RAB10: variants seen among roughly 807,000 people sequenced by gnomAD.
RAB10 encodes RAB10, member RAS oncogene family.
Under a neutral mutation model 25.7 loss-of-function variants are expected in RAB10, and 5 were observed. The ratio of observed to expected loss-of-function variants is 0.19; its 90% CI spans 0.10 to 0.41. RAB10 has a LOEUF of 0.41. Among genes scored for constraint, RAB10 ranks in the 10% least tolerant of loss-of-function variants. RAB10 has a pLI of 1.00. For synonymous variants in RAB10, 89 were observed against 86.4 expected, an observed-to-expected ratio of 1.03 and a Z score of -0.16; for missense variants, 103 against 245.8, an observed-to-expected ratio of 0.42 and a Z score of 3.89.
intron 1 of RAB10, among the ~76,000 whole-genome samples, chr2:26,062,665 G>A (rs527387071): frequency 6.1e-5 from 9 of 147,180 alleles, no homozygotes; most frequent in Non-Finnish European, 1.0e-4. Flanking sequence ...GCAATAGAGC[G>A]AGACTCTGTC....
At position 26,108,929 on chromosome 2, in the gene RAB10, T is replaced by A. The variant is rs1463929613; in HGVS notation, c.189-839T>A. Among the ~76,000 whole-genome samples, 8 of 144,612 alleles carry A rather than the reference T, an allele frequency of 5.5e-5. No individual in the cohort carries two copies. The East Asian group carries it at 1.1e-3, about 19-fold the overall frequency. The allele number at this position is 144,612 out of a possible 152,430, so 94.9% of individuals were successfully genotyped here. On this transcript the variant is annotated intron_variant, in intron 2 of 5. Transcript: ENST00000264710. ...TATTTATTTATTTATTTATTTATTT[T>A]GAGACGGAGTCTCGCTCTGTCACCC...
intron 1 of RAB10, among the ~76,000 whole-genome samples, chr2:26,083,625 G>A (rs1433379090): frequency 2.0e-5 from 3 of 151,956 alleles, no homozygotes; most frequent in Admixed American, 6.6e-5. Context: ...CACCACACCC[G>A]GTTAATTTTT....
chr2:26,126,185 C>T (rs181807618), intron 3 of RAB10, among the ~76,000 whole-genome samples: 3 of 152,304 alleles, frequency 2.0e-5, no homozygotes, highest in Non-Finnish European at 4.4e-5. Flanking sequence ...GGATTTATTT[C>T]TGGGCTCTCT....
chr2:26,083,160 G>A (rs1255078085), intron 1 of RAB10, among the ~76,000 whole-genome samples: 1 of 152,108 alleles, frequency 6.6e-6, no homozygotes, highest in African/African-American at 2.4e-5. Context: ...AAGAACAACA[G>A]TATATTAGAG....
At position 26,115,339 on chromosome 2, in the gene RAB10, C is replaced by G. The variant is rs185865473; in HGVS notation, c.327+5433C>G. 8.8e-3 allele frequency among the ~76,000 whole-genome samples: 1,342 copies of G among 151,900 alleles called. 11 individuals are homozygous for G. The highest frequency in any genetic ancestry group is 0.011 in the Non-Finnish European group (715 of 67,956). On this transcript the variant is annotated intron_variant, in intron 3 of 5. Transcript: ENST00000264710. The stretch of plus-strand genomic sequence containing the variant: ...GCCAAAAAAAAAAACCAGAAACAAC[C>G]CAAACATCCATCAACTGATGAATGG...
At position 26,126,344 on chromosome 2, in the gene RAB10, G is replaced by A. The variant is rs187198071; in HGVS notation, c.328-800G>A. Among the ~76,000 whole-genome samples the A allele has an allele frequency of 3.5e-3, 536 of 152,252 alleles. 2 individuals are homozygous for A. The highest frequency in any genetic ancestry group is 5.7e-3 in the Non-Finnish European group (390 of 68,018). ...TGTAATCCTAGCTCTTTGGGAGGCC[G>A]ATGGGGGTGGATCACTTGAGGCCAG... On this transcript the variant is annotated intron_variant, in intron 3 of 5. Coordinates refer to ENST00000264710, the MANE Select transcript of RAB10 (RefSeq NM_016131.5).
At chr2:26,133,698 G>A (rs1254728978) in intron 5 of RAB10, among the ~76,000 whole-genome samples, 1 of 151,476 alleles carries the variant, frequency 6.6e-6, no homozygotes, top group Non-Finnish European at 1.5e-5. Context: ...TTTTGAGATG[G>A]AGTCTCACTC....
intron 5 of RAB10, among the ~76,000 whole-genome samples, chr2:26,132,600 A>AT (rs1365689030): frequency 2.0e-5 from 3 of 152,098 alleles, no homozygotes; most frequent in Non-Finnish European, 2.9e-5. Context: ...TTTCTGTAGT[A>AT]TTTTTGTTTG....
chr2:26,127,605 T>C (rs1213133563), intron 4 of RAB10, among the ~76,000 whole-genome samples: 1 of 152,224 alleles, frequency 6.6e-6, no homozygotes, highest in Admixed American at 6.5e-5. Flanking sequence ...CAGGTTGAGC[T>C]TCTCATAAGT....
At chr2:26,044,656 C>A (rs988015520) in intron 1 of RAB10, among the ~76,000 whole-genome samples, 2 of 152,006 alleles carry the variant, frequency 1.3e-5, no homozygotes, top group Non-Finnish European at 2.9e-5. Context: ...GATGATTCTC[C>A]TGCCTCAACC....
chr2:26,059,965 C>A (rs1428303988), intron 1 of RAB10, among the ~76,000 whole-genome samples: 1 of 152,058 alleles, frequency 6.6e-6, no homozygotes, highest in Non-Finnish European at 1.5e-5. Flanking sequence ...ATTGTCATAA[C>A]TAGGTTGGGA....
intron 2 of RAB10, among the ~76,000 whole-genome samples, chr2:26,102,776 TC>T (rs1667370117): frequency 6.6e-6 from 1 of 152,100 alleles, no homozygotes; most frequent in African/African-American, 2.4e-5. Context: ...TCCAAGTCTT[TC>T]ACTTAGCTAA....
intron 2 of RAB10, among the ~76,000 whole-genome samples, chr2:26,102,717 C>T (rs868477559): frequency 2.8e-4 from 43 of 151,946 alleles, no homozygotes; most frequent in African/African-American, 9.4e-4. Context: ...GGATTACAGG[C>T]GTGAGCCACT....
chr2:26,105,016 C>T (rs1251731680), intron 2 of RAB10, among the ~76,000 whole-genome samples: 3 of 152,056 alleles, frequency 2.0e-5, no homozygotes, highest in Non-Finnish European at 4.4e-5. Flanking sequence ...GGATTACAGG[C>T]GTGAGCCACC....
intron 1 of RAB10, among the ~76,000 whole-genome samples, chr2:26,079,405 A>T (rs946158842): frequency 2.0e-5 from 3 of 152,182 alleles, no homozygotes; most frequent in African/African-American, 7.2e-5. Flanking sequence ...GTAGATAATG[A>T]CAGCTGGGTT....
At chr2:26,076,886 G>A (rs2149272257) in intron 1 of RAB10, among the ~76,000 whole-genome samples, 1 of 150,708 alleles carries the variant, frequency 6.6e-6, no homozygotes, top group African/African-American at 2.4e-5. Flanking sequence ...GGAAGTTGCA[G>A]TGAGCCGAGA....
In RAB10 at chr2:26,034,431, C is replaced by T; in HGVS notation, c.-178C>T. ...GGTCGCCGCCCTCGGAGGCACTGGA[C>T]GCCGCCACTGTCGGGGCTTCCTCAA... On this transcript the variant is annotated 5_prime_UTR_variant, in exon 1 of 6. In the 5' UTR this introduces an upstream ATG that the reference lacks. Transcript: ENST00000264710. 2 of 793,368 alleles carry T rather than the reference C, an allele frequency of 2.5e-6. No individual in the cohort carries two copies. The highest frequency in any genetic ancestry group is 1.9e-6 in the Non-Finnish European group (1 of 514,110). 49.1% of individuals were successfully genotyped at this position (793,368 alleles called of 1,614,324 possible). A position where few individuals can be genotyped will look rare whatever the true frequency, so the allele number is the denominator to read the frequency against.
chr2:26,111,761 A>G (rs1054576870), intron 3 of RAB10, among the ~76,000 whole-genome samples: 1 of 152,204 alleles, frequency 6.6e-6, no homozygotes, highest in Admixed American at 6.5e-5. Context: ...ATTCTACCAC[A>G]TGAACTGGTG....
At chr2:26,046,062 C>T (rs759564994) in intron 1 of RAB10, among the ~76,000 whole-genome samples, 17 of 152,272 alleles carry the variant, frequency 1.1e-4, no homozygotes, top group East Asian at 7.7e-4. Flanking sequence ...CGGTGGCTCA[C>T]GCCTGTAATC....
Sources: gnomAD v4.1 joint callset for allele counts (sites outside exome capture counted in the v4.1 genomes callset) on GRCh38, gnomAD v4.1.1 for gene constraint, MANE v1.5 for transcripts, NCBI Gene and HGNC (gene_info 2026-07-23, HGNC 2026-07-21) for gene names.